Variants in CHD7 observed in about 807,000 individuals in gnomAD.
CHD7 encodes ATP-dependent chromatin remodeler CHD7.
A neutral mutation model predicts 307.3 loss-of-function variants in CHD7; 24 were observed. That is an observed-to-expected ratio of 0.08 (90% CI 0.06 to 0.11). The LOEUF (loss-of-function observed/expected upper bound fraction) is 0.11, where lower values mean the gene tolerates loss of function less well. Ranked by LOEUF, CHD7 falls within the 10% of genes least tolerant of loss-of-function variation. The pLI is 1.00. For synonymous variants in CHD7, 1,363 were observed against 1,349.9 expected (o/e 1.01, Z -0.21); for missense variants, 3,106 against 3,727.1 (o/e 0.83, Z 4.34).
chr8:60,791,321 A>G (rs1009068143), intron 3 of CHD7, among the ~76,000 whole-genome samples: 2 of 152,064 alleles, frequency 1.3e-5, no homozygotes, highest in African/African-American at 2.4e-5. Flanking sequence ...TATTCTTCCA[A>G]CTCACAGGCT....
At chr8:60,703,268 A>C (rs1224332895) in intron 1 of CHD7, among the ~76,000 whole-genome samples, 1 of 151,956 alleles carries the variant, frequency 6.6e-6, no homozygotes, top group Non-Finnish European at 1.5e-5. Context: ...CATCTCCATA[A>C]CTCTTGTAAA....
At chr8:60,848,178 C>T (rs1473325919) in intron 23 of CHD7, among the ~76,000 whole-genome samples, 1 of 152,174 alleles carries the variant, frequency 6.6e-6, no homozygotes, top group Non-Finnish European at 1.5e-5. Flanking sequence ...CAGTTGTTTA[C>T]AAACTTGCTT....
intron 2 of CHD7, among the ~76,000 whole-genome samples, chr8:60,759,943 T>C (rs1810096487): frequency 6.6e-6 from 1 of 152,146 alleles, no homozygotes; most frequent in African/African-American, 2.4e-5. Flanking sequence ...GAGAATATAA[T>C]GTTAAATGCT....
rs752961577 is a variant in CHD7, at chr8:60,851,062, A to G, written c.5565A>G (p.Pro1855=). 2 of 1,575,486 alleles carry G rather than the reference A, an allele frequency of 1.3e-6. No individual in the cohort carries two copies. Among genetic ancestry groups the G allele is most frequent in the Admixed American group, 3.7e-5 (2 of 54,184 alleles). ...GGEFDREDED[P]EYKPTRTPFK... ...AATTTGATAGAGAAGATGAAGACCC[A>G]GAATATAAACCAACCAGAACACCGT... Residue 1855 remains proline, a synonymous_variant, in exon 27 of 38, where the codon CCA becomes CCG. Coordinates refer to ENST00000423902, the MANE Select transcript of CHD7 (RefSeq NM_017780.4).
At chr8:60,860,174 C>T (rs754899245) in intron 34 of CHD7, among the ~76,000 whole-genome samples, 4 of 152,180 alleles carry the variant, frequency 2.6e-5, no homozygotes, top group South Asian at 2.1e-4. Context: ...ATATTGTGCA[C>T]AGAGTGCCCA....
chr8:60,762,345 C>T (rs1207834401), intron 2 of CHD7, among the ~76,000 whole-genome samples: 1 of 152,172 alleles, frequency 6.6e-6, no homozygotes, highest in Non-Finnish European at 1.5e-5. Context: ...GTCTGGGCTT[C>T]TCCTCCACAC....
At chr8:60,813,682 A>G (rs1303525049) in intron 7 of CHD7, among the ~76,000 whole-genome samples, 1 of 152,072 alleles carries the variant, frequency 6.6e-6, no homozygotes, top group African/African-American at 2.4e-5. Context: ...ATATATTAAT[A>G]TTGTGTATTT....
intron 32 of CHD7, chr8:60,855,231 T>C (rs1218386641): frequency 2.6e-5 from 4 of 152,200 alleles, no homozygotes; most frequent in Non-Finnish European, 5.9e-5. Flanking sequence ...GACCAAAGAA[T>C]GTACTGTCAA....
chr8:60,734,922 G>T (rs1234287176), intron 1 of CHD7, among the ~76,000 whole-genome samples: 1 of 152,172 alleles, frequency 6.6e-6, no homozygotes, highest in Non-Finnish European at 1.5e-5. Flanking sequence ...AAAGCGTTGA[G>T]ACCAGAATTA....
At chr8:60,748,548 A>G (rs926720663) in intron 2 of CHD7, among the ~76,000 whole-genome samples, 1 of 152,194 alleles carries the variant, frequency 6.6e-6, no homozygotes, top group East Asian at 1.9e-4. Context: ...TTATCAGTAC[A>G]CTGTGAACAT....
At chr8:60,717,391 A>T (rs1807663605) in intron 1 of CHD7, among the ~76,000 whole-genome samples, 1 of 152,222 alleles carries the variant, frequency 6.6e-6, no homozygotes. Flanking sequence ...TTTTCATTTC[A>T]GAGTATTTCT....
Position 60,836,836 on chromosome 8 carries a change from G to A in CHD7, c.4009G>A (p.Asp1337Asn), listed in dbSNP as rs1283068862. Residue 1337 changes from aspartate to asparagine, a missense_variant, in exon 17 of 38, where the codon GAC becomes AAC. Around this residue, in one of 10 missense-constraint regions of CHD7, gnomAD observed 232 missense variants for 422.5 expected, o/e 0.55. Transcript: ENST00000423902. ...TTCTAGGTACCCATATGAAAGGATC[G>A]ACGGCCGAGTAAGAGGCAACCTCCG... ...IQRRYPYERI[D>N]GRVRGNLRQA... 6.2e-7 allele frequency: 1 copy of A among 1,613,638 alleles called. No individual in the cohort carries two copies. The highest frequency in any genetic ancestry group is 1.7e-5 in the Admixed American group (1 of 59,990).
chr8:60,694,720 T>A (rs938564651), intron 1 of CHD7, among the ~76,000 whole-genome samples: 1 of 152,128 alleles, frequency 6.6e-6, no homozygotes, highest in Admixed American at 6.5e-5. Flanking sequence ...TGCCACCCCC[T>A]GTTGCCCTCC....
rs1804795737 is a variant in CHD7, at chr8:60,837,561, C to T, written c.4186-107C>T. 5.9e-6 allele frequency: 6 copies of T among 1,010,892 alleles called. No homozygotes were observed. The African/African-American group carries it at 6.5e-5, about 11-fold the overall frequency. The allele number at this position is 1,010,892 out of a possible 1,614,324, so 62.6% of individuals were successfully genotyped here. A position where few individuals can be genotyped will look rare whatever the true frequency, so the allele number is the denominator to read the frequency against. On this transcript the variant is annotated intron_variant, in intron 17 of 37. Coordinates refer to ENST00000423902, the MANE Select transcript of CHD7 (RefSeq NM_017780.4). The stretch of plus-strand genomic sequence containing the variant: ...ACCTAATTACTTCCCTAAGGCGCCA[C>T]CTCCAAATACCATCACATTGGAATG...
chr8:60,813,774 G>A (rs1306784417), intron 7 of CHD7, among the ~76,000 whole-genome samples: 1 of 151,582 alleles, frequency 6.6e-6, no homozygotes, highest in Non-Finnish European at 1.5e-5. Flanking sequence ...TTGTCTTAAT[G>A]TGATGTGGAG....
At chr8:60,694,431 GTAAT>G (rs1297028167) in intron 1 of CHD7, among the ~76,000 whole-genome samples, 2 of 152,232 alleles carry the variant, frequency 1.3e-5, no homozygotes, top group Non-Finnish European at 2.9e-5. Flanking sequence ...AGCACAGTCT[GTAAT>G]TAAGTGCTAA....
At chr8:60,788,438 G>T (rs923217062) in intron 3 of CHD7, among the ~76,000 whole-genome samples, 10 of 152,182 alleles carry the variant, frequency 6.6e-5, no homozygotes, top group Admixed American at 6.5e-4. Context: ...AATGTACCCA[G>T]CTGGTGACTA....
intron 21 of CHD7, 131 bp downstream of exon 21, chr8:60,842,183 G>C: frequency 1.3e-6 from 1 of 742,282 alleles, no homozygotes; most frequent in South Asian, 2.0e-5. Flanking sequence ...GAATGCTTCT[G>C]CAGTAACTTT....
chr8:60,821,643 CATAT>C (rs139974846), intron 9 of CHD7, 143 bp from the exon 10 acceptor site: 8 of 546,392 alleles, frequency 1.5e-5, no homozygotes, highest in African/African-American at 9.8e-5. Context: ...TATGTATAAA[CATAT>C]ATATACACAT....
Sources: gnomAD v4.1 joint callset for allele counts (sites outside exome capture counted in the v4.1 genomes callset) on GRCh38, gnomAD v4.1.1 for gene constraint, gnomAD v4.1.1 regional missense constraint, MANE v1.5 for transcripts, NCBI Gene and HGNC (gene_info 2026-07-23, HGNC 2026-07-21) for gene names.